Variants in SLC25A48 observed in about 807,000 individuals in gnomAD.
SLC25A48 encodes the protein solute carrier family 25 member 48.
SLC25A48 carries 29 observed loss-of-function variants against 32.2 expected under a neutral mutation model. The ratio of observed to expected loss-of-function variants is 0.90; its 90% confidence interval spans 0.67 to 1.23. SLC25A48 has a LOEUF of 1.23. Among genes scored for constraint, SLC25A48 ranks in the 50% most tolerant of loss-of-function variants. SLC25A48 has a pLI of 0.00. For missense variants in SLC25A48, 399 were observed against 422.7 expected, an observed-to-expected ratio of 0.94 and a Z score of 0.49; for synonymous variants, 164 against 172.3, an observed-to-expected ratio of 0.95 and a Z score of 0.38.
At chr5:135,830,313 T>C (rs1276614677), upstream of SLC25A48, among the ~76,000 whole-genome samples, 1 of 152,242 alleles carries the variant, frequency 6.6e-6, no homozygotes, top group Non-Finnish European at 1.5e-5. Context: ...CCTCCGCAGC[T>C]GATATCCCCG....
rs538100328 is a variant in SLC25A48 at position 135,653,363 on chromosome 5, C to A, written c.-521+18407C>A. Among the ~76,000 whole-genome samples, 163 of 152,292 alleles carry A rather than the reference C, an allele frequency of 1.1e-3. 1 individual carries two copies. The Middle Eastern group carries it at 0.014, about 13-fold the overall frequency. On this transcript the variant is annotated intron_variant, in intron 3 of 10. Transcript: ENST00000646290. Reference sequence around the variant, plus strand: ...GACTATTTCTGGAACCGAGGAGATTCTGTAGGTCACTTCCATACCCACTAG... The same window carrying A: ...GACTATTTCTGGAACCGAGGAGATTATGTAGGTCACTTCCATACCCACTAG...
intron 1 of SLC25A48, among the ~76,000 whole-genome samples, chr5:135,615,825 C>T (rs761407478): frequency 6.6e-6 from 1 of 152,232 alleles, no homozygotes; most frequent in Non-Finnish European, 1.5e-5. Flanking sequence ...CCTCTCATCC[C>T]AGGCCAAGAA....
intron 3 of SLC25A48, among the ~76,000 whole-genome samples, chr5:135,727,415 G>T (rs1241728824): frequency 6.6e-6 from 1 of 151,864 alleles, no homozygotes; most frequent in Non-Finnish European, 1.5e-5. Flanking sequence ...TTTTAATTTT[G>T]ATGAAGTCCA....
chr5:135,840,179 T>TA (rs1409505084), intron 1 of SLC25A48, among the ~76,000 whole-genome samples: 2 of 152,296 alleles, frequency 1.3e-5, no homozygotes, highest in East Asian at 3.9e-4. Flanking sequence ...GGTCTTCTTT[T>TA]AAAAAAATTC....
chr5:135,755,861 G>C (rs1336442660), intron 3 of SLC25A48, among the ~76,000 whole-genome samples: 2 of 121,416 alleles, frequency 1.6e-5, no homozygotes, highest in Admixed American at 1.6e-4. Flanking sequence ...AAATATCGCT[G>C]TGATATTTAT....
At position 135,631,082 on chromosome 5, in the gene SLC25A48, A is replaced by G. The variant is rs574371617; in HGVS notation, c.-709+1706A>G. Among the ~76,000 whole-genome samples the G allele has an allele frequency of 2.6e-5, 4 of 152,348 alleles. No homozygotes were observed. In the East Asian group the frequency reaches 7.7e-4, roughly 29 times the overall value. On this transcript the variant is annotated intron_variant, in intron 2 of 10. Transcript: ENST00000646290. Reference sequence around the variant, plus strand: ...GCATCGACCCTGAACTTCCAGCAGAAAGCCTCGAGTTAGATGCATGTACAT... The same window carrying G: ...GCATCGACCCTGAACTTCCAGCAGAGAGCCTCGAGTTAGATGCATGTACAT...
At chr5:135,658,768 G>A (rs1447736104) in intron 3 of SLC25A48, among the ~76,000 whole-genome samples, 1 of 152,186 alleles carries the variant, frequency 6.6e-6, no homozygotes, top group East Asian at 1.9e-4. Context: ...ATACCTGCAG[G>A]ACCAATACTC....
In SLC25A48 at chr5:135,811,919, T is replaced by C. The variant is rs368152624; in HGVS notation, c.-520-604T>C. Among the ~76,000 whole-genome samples the C allele has an allele frequency of 1.6e-4, 24 of 152,218 alleles. No homozygotes were observed. The South Asian group carries it at 5.0e-3, about 32-fold the overall frequency. The stretch of plus-strand genomic sequence containing the variant: ...CAACATGGTGAAACTTTGTCTCTAC[T>C]AAAAATACAAAAACTAGCTGGGTGT... On this transcript the variant is annotated intron_variant, in intron 3 of 10. Coordinates refer to the SLC25A48 transcript ENST00000646290.
At chr5:135,728,421 A>G (rs2126989100) in intron 3 of SLC25A48, among the ~76,000 whole-genome samples, 1 of 152,286 alleles carries the variant, frequency 6.6e-6, no homozygotes, top group Admixed American at 6.5e-5. Context: ...CCAACAATAT[A>G]AGTGAATATG....
chr5:135,679,615 CACAGTG>C (rs1372310011), intron 3 of SLC25A48, among the ~76,000 whole-genome samples: 1 of 152,218 alleles, frequency 6.6e-6, no homozygotes, highest in Non-Finnish European at 1.5e-5. Flanking sequence ...CATAAAAATG[CACAGTG>C]ACTTTGCTGC....
chr5:135,766,893 G>A (rs1420616974), intron 3 of SLC25A48, among the ~76,000 whole-genome samples: 4 of 151,788 alleles, frequency 2.6e-5, no homozygotes, highest in African/African-American at 4.8e-5. Flanking sequence ...ATATCAGGGG[G>A]TGTGTACACT....
At chr5:135,871,796 C>T (rs1381453591) in intron 5 of SLC25A48, 78 bp downstream of exon 5, 1 of 1,588,020 alleles carries the variant, frequency 6.3e-7, no homozygotes, top group Non-Finnish European at 8.6e-7. Context: ...CCATGCCCTT[C>T]TCAGCCCAGG....
At chr5:135,806,577 AAT>A (rs1458211344) in intron 3 of SLC25A48, among the ~76,000 whole-genome samples, 2 of 150,820 alleles carry the variant, frequency 1.3e-5, no homozygotes, top group Non-Finnish European at 3.0e-5. Context: ...AGATGTTATA[AAT>A]ATCATTGATT....
chr5:135,612,089 A>C (rs1752086326), intron 1 of SLC25A48, among the ~76,000 whole-genome samples: 1 of 152,234 alleles, frequency 6.6e-6, no homozygotes, highest in African/African-American at 2.4e-5. Context: ...ATAATACAAA[A>C]TATTTCATTT....
chr5:135,702,102 G>T (rs1438204549), intron 3 of SLC25A48, among the ~76,000 whole-genome samples: 1 of 152,240 alleles, frequency 6.6e-6, no homozygotes, highest in African/African-American at 2.4e-5. Flanking sequence ...TGGCTACAAA[G>T]TCTATACATT....
At chr5:135,766,072 G>A (rs1425101883) in intron 3 of SLC25A48, among the ~76,000 whole-genome samples, 2 of 151,512 alleles carry the variant, frequency 1.3e-5, no homozygotes, top group South Asian at 2.1e-4. Flanking sequence ...AGTATCCAGC[G>A]GGAGAGAGTA....
intron 1 of SLC25A48, among the ~76,000 whole-genome samples, chr5:135,587,915 G>A (rs1420258652): frequency 6.6e-6 from 1 of 152,224 alleles, no homozygotes; most frequent in Non-Finnish European, 1.5e-5. Context: ...AACTTGTGCT[G>A]AAGGGAAACC....
intron 3 of SLC25A48, among the ~76,000 whole-genome samples, chr5:135,775,334 C>T (rs369791785): frequency 1.4e-4 from 21 of 151,356 alleles, no homozygotes; most frequent in Non-Finnish European, 1.9e-4. Flanking sequence ...CTCCCAATAT[C>T]GTAGAATAGG....
intron 3 of SLC25A48, among the ~76,000 whole-genome samples, chr5:135,663,302 C>A (rs1442339803): frequency 1.3e-5 from 2 of 152,192 alleles, no homozygotes; most frequent in African/African-American, 4.8e-5. Flanking sequence ...AGTTTCTCAG[C>A]CTTGGCATGA....
Sources: gnomAD v4.1 joint callset for allele counts (sites outside exome capture counted in the v4.1 genomes callset) on GRCh38, gnomAD v4.1.1 for gene constraint, MANE v1.5 for transcripts, NCBI Gene and HGNC (gene_info 2026-07-23, HGNC 2026-07-21) for gene names.